The following SUCO variants were observed in gnomAD, a reference collection of about 807,000 sequenced individuals.
SUCO encodes SUN domain-containing ossification factor.
In SUCO, 57 loss-of-function variants were observed where a neutral mutation model predicts 148.1. The observed-to-expected ratio is 0.38, with a 90% CI of 0.31 to 0.48. The LOEUF is 0.48. Ranked by LOEUF, SUCO falls within the 20% of genes least tolerant of loss-of-function variation. SUCO has a pLI of 0.96. For missense variants in SUCO, 1,331 were observed against 1,468.2 expected (o/e 0.91, Z 1.53); for synonymous variants, 470 against 502.7 (o/e 0.93, Z 0.87).
rs1056738794 is a variant in SUCO, at chr1:172,559,414, A to G, written c.732+1620A>G. 3.3e-5 allele frequency among the ~76,000 whole-genome samples: 5 copies of G among 152,232 alleles called. No individual in the cohort carries two copies. In the South Asian group the frequency reaches 6.2e-4, roughly 19 times the overall value. On this transcript the variant is annotated intron_variant, in intron 6 of 23. Transcript: ENST00000263688. ...TGTATGTTTCTTGTTTATTTTCTCA[A>G]TGTATCTGATGCAGGACAGGCAAGC...
At chr1:172,591,759 T>C (rs1239184359) in intron 19 of SUCO, among the ~76,000 whole-genome samples, 1 of 152,134 alleles carries the variant, frequency 6.6e-6, no homozygotes, top group Non-Finnish European at 1.5e-5. Flanking sequence ...TGTGTCTTTA[T>C]AGCAGCATGA....
intron 19 of SUCO, among the ~76,000 whole-genome samples, chr1:172,592,341 T>A (rs1369007843): frequency 1.3e-5 from 2 of 152,194 alleles, no homozygotes; most frequent in Non-Finnish European, 2.9e-5. Flanking sequence ...TTAGTCATGA[T>A]GTCCTTGCCT....
At chr1:172,551,713 A>T in intron 2 of SUCO, 87 bp downstream of exon 2, 1 of 792,872 alleles carries the variant, frequency 1.3e-6, no homozygotes, top group South Asian at 2.0e-5. Flanking sequence ...AATTTCAAAA[A>T]TGCCATGCCA....
chr1:172,576,998 C>G, intron 11 of SUCO: 1 of 738,984 alleles, frequency 1.4e-6, no homozygotes, highest in East Asian at 1.3e-4. Flanking sequence ...GTAAGTTGTA[C>G]TTGAAATAAC....
At chr1:172,584,927 A>G (rs1656132816) in intron 15 of SUCO, 91 bp from the exon 16 acceptor site, 3 of 814,864 alleles carry the variant, frequency 3.7e-6, no homozygotes, top group Non-Finnish European at 5.6e-6. Context: ...AATGCAAAAG[A>G]TCATTCTAAA....
chr1:172,558,640 T>C (rs1558182033), intron 6 of SUCO, among the ~76,000 whole-genome samples: 1 of 152,214 alleles, frequency 6.6e-6, no homozygotes, highest in Non-Finnish European at 1.5e-5. Flanking sequence ...CCAACTGTTT[T>C]GACGATGTTT....
At chr1:172,538,496 G>A (rs1003585476) in intron 1 of SUCO, among the ~76,000 whole-genome samples, 7 of 151,960 alleles carry the variant, frequency 4.6e-5, no homozygotes, top group Admixed American at 6.6e-5. Flanking sequence ...GAAACATATC[G>A]ATAAAACATT....
chr1:172,578,898 G>C (rs1655660157), intron 14 of SUCO, among the ~76,000 whole-genome samples: 1 of 152,034 alleles, frequency 6.6e-6, no homozygotes, highest in Non-Finnish European at 1.5e-5. Context: ...ATTTTCTCAA[G>C]AGTGAAATGA....
At chr1:172,539,421 A>T (rs1479528265) in intron 1 of SUCO, among the ~76,000 whole-genome samples, 1 of 152,222 alleles carries the variant, frequency 6.6e-6, no homozygotes, top group Non-Finnish European at 1.5e-5. Context: ...ACAAGGGAAT[A>T]GGAAATTGCT....
Position 172,589,681 on chromosome 1 carries a change from T to C in SUCO, c.2580T>C (p.Ser860=). The change falls in exon 18 of 24, where the codon TCT becomes TCC. Residue 860 remains serine, a synonymous_variant. Coordinates refer to ENST00000263688, the MANE Select transcript of SUCO (RefSeq NM_014283.5). ...KQTLISVVDS[S]SLPEVKEEEQ... is the part of the protein sequence containing the mutation. ...CTTTGATTTCTGTTGTGGATTCTTC[T>C]TCATTACCTGAAGTAAAAGAAGAAG... 1.2e-6 allele frequency: 2 copies of C among 1,613,888 alleles called. No individual in the cohort carries two copies. Among genetic ancestry groups the C allele is most frequent in the Non-Finnish European group, 1.7e-6 (2 of 1,179,862 alleles).
intron 19 of SUCO, among the ~76,000 whole-genome samples, chr1:172,593,756 C>T (rs1219708791): frequency 6.6e-6 from 1 of 152,096 alleles, no homozygotes. Flanking sequence ...TGTGTCTCTG[C>T]CAGGCTTTGG....
At chr1:172,588,324 A>G (rs1403644233) in intron 17 of SUCO, 1 of 985,302 alleles carries the variant, frequency 1.0e-6, no homozygotes, top group African/African-American at 1.7e-5. Context: ...TTCTAGTTTT[A>G]GCTCTGGACC....
At chr1:172,582,016 A>G (rs555845980) in intron 15 of SUCO, among the ~76,000 whole-genome samples, 2 of 152,272 alleles carry the variant, frequency 1.3e-5, no homozygotes, top group African/African-American at 4.8e-5. Flanking sequence ...AAACATTTAA[A>G]TCTTTTACAT....
chr1:172,570,222 T>A, intron 8 of SUCO, 51 bp downstream of exon 8: 1 of 1,122,640 alleles, frequency 8.9e-7, no homozygotes, highest in Non-Finnish European at 1.2e-6. Flanking sequence ...AACGACTTTT[T>A]AAAATACAGG....
At chr1:172,555,373 T>C (rs1653656600) in intron 3 of SUCO, 13 of 985,364 alleles carry the variant, frequency 1.3e-5, no homozygotes, top group Non-Finnish European at 1.6e-5. Flanking sequence ...CATTGTGTTT[T>C]GGAGGACTGA....
At chr1:172,577,620 A>G (rs951251246) in intron 12 of SUCO, 61 bp downstream of exon 12, 2 of 1,594,456 alleles carry the variant, frequency 1.3e-6, no homozygotes, top group African/African-American at 1.4e-5. Flanking sequence ...ATGCATTACA[A>G]AAACTTTACA....
At chr1:172,594,270 C>G (rs963426943) in intron 19 of SUCO, among the ~76,000 whole-genome samples, 6 of 149,220 alleles carry the variant, frequency 4.0e-5, no homozygotes, top group African/African-American at 9.9e-5. Context: ...TTTTTTGTGT[C>G]TCTGTCTCCT....
rs764612948 is a variant in SUCO at position 172,601,149 on chromosome 1, G to C, written c.3019-915G>C. Among the ~76,000 whole-genome samples, 135 of 152,168 alleles carry C rather than the reference G, an allele frequency of 8.9e-4. 1 individual carries two copies. The highest frequency in any genetic ancestry group is 1.6e-3 in the Non-Finnish European group (111 of 68,024). On this transcript the variant is annotated intron_variant, in intron 20 of 23. Coordinates refer to ENST00000263688, the MANE Select transcript of SUCO (RefSeq NM_014283.5). ...TCCATTTGTTGCTTTGTGGAGAACTGCCTGTTGGGGAACAGCAGGAGCAGA... is the reference window on the plus strand; with the variant it reads ...TCCATTTGTTGCTTTGTGGAGAACTCCCTGTTGGGGAACAGCAGGAGCAGA...
Position 172,578,336 on chromosome 1 carries a change from T to C in SUCO, c.1379T>C (p.Ile460Thr), listed in dbSNP as rs1655611513. Residue 460 changes from isoleucine (I) to threonine (T), a missense_variant, in exon 14 of 24, where the codon ATT (isoleucine) becomes ACT (threonine). Ile to Thr is a moderately conservative substitution (Grantham distance 89). Around this residue, in one of 3 missense-constraint regions of SUCO, gnomAD observed 992 missense variants for 1,093.5 expected, o/e 0.91. Transcript: ENST00000263688. Reference protein sequence around the residue: ...GTSMVEEYEEIADSQYHSERQ... With the variant: ...GTSMVEEYEETADSQYHSERQ... ...AGCATGGTGGAAGAATATGAAGAAA[T>C]TGCTGATTCCCAGTATCACTCAGAA... 2 of 1,612,682 alleles carry C rather than the reference T, an allele frequency of 1.2e-6. No homozygotes were observed. The highest frequency in any genetic ancestry group is 4.5e-5 in the East Asian group (2 of 44,792).
Sources: allele counts gnomAD v4.1 joint callset (sites outside exome capture counted in the v4.1 genomes callset), GRCh38; gene constraint gnomAD v4.1.1; regional missense constraint gnomAD v4.1.1; transcripts MANE v1.5; gene names NCBI Gene and HGNC (gene_info 2026-07-23, HGNC 2026-07-21).